Variants in GSE1 observed in about 807,000 individuals in gnomAD.
GSE1 encodes genetic suppressor element 1.
Under a neutral mutation model 112.6 loss-of-function variants are expected in GSE1, and 32 were observed. The observed-to-expected ratio is 0.28, with a 90% CI of 0.21 to 0.38. GSE1 has a LOEUF of 0.38. GSE1 is among the 10% of genes least tolerant of loss of function. GSE1 has a pLI of 1.00. For missense variants in GSE1, 2,348 were observed against 1,699.2 expected, an observed-to-expected ratio of 1.38 and a Z score of -6.71; for synonymous variants, 1,115 against 735.6, an observed-to-expected ratio of 1.52 and a Z score of -8.35.
chr16:85,570,945 A>AC (rs1181276159), intron 1 of GSE1, among the ~76,000 whole-genome samples: 1 of 152,316 alleles, frequency 6.6e-6, no homozygotes, highest in East Asian at 1.9e-4. Context: ...GGCTGGAGTG[A>AC]TCTGGGAGGA....
chr16:85,288,366 G>A (rs2045104332), intron 1 of GSE1, among the ~76,000 whole-genome samples: 1 of 152,214 alleles, frequency 6.6e-6, no homozygotes, highest in Non-Finnish European at 1.5e-5. Context: ...GAACTCGTAG[G>A]ACAATACAGC....
chr16:85,331,355 G>A lies in GSE1; in HGVS notation c.2284-26108G>A, dbSNP rs1312837357. On this transcript the variant is annotated intron_variant, in intron 1 of 2. Transcript: ENST00000637419. ...TGTGTGTGTGTGTGTGTGTGTGTGTGTGTGTGTGTGTATATATGTATATAT... is the reference window on the plus strand; with the variant it reads ...TGTGTGTGTGTGTGTGTGTGTGTGTATGTGTGTGTGTATATATGTATATAT... 9.3e-3 allele frequency among the ~76,000 whole-genome samples: 536 copies of A among 57,354 alleles called. 19 individuals are homozygous for A. The highest frequency in any genetic ancestry group is 0.024 in the African/African-American group (479 of 19,620). 37.6% of individuals were successfully genotyped at this position (57,354 alleles called of 152,430 possible).
intron 1 of GSE1, among the ~76,000 whole-genome samples, chr16:85,308,298 ACCGAGTCCAG>A (rs2151475823): frequency 6.6e-6 from 1 of 152,080 alleles, no homozygotes; most frequent in Admixed American, 6.6e-5. Context: ...TTCTGTGGAC[ACCGAGTCCAG>A]CCTCCGGGAG....
At chr16:85,555,403 AG>A, upstream of GSE1, 1 of 685,478 alleles carries the variant, frequency 1.5e-6, no homozygotes, top group Non-Finnish European at 1.8e-6. Flanking sequence ...AAGGGGGGGG[AG>A]GGGTGTTGGT....
chr16:85,277,282 C>T (rs1909461785), intron 1 of GSE1, among the ~76,000 whole-genome samples: 1 of 152,104 alleles, frequency 6.6e-6, no homozygotes, highest in South Asian at 2.1e-4. Flanking sequence ...TCCAGACGGG[C>T]CCAGGCTGGG....
intron 2 of GSE1, among the ~76,000 whole-genome samples, chr16:85,510,111 C>T (rs376269841): frequency 4.0e-4 from 61 of 152,334 alleles, no homozygotes; most frequent in Middle Eastern, 3.4e-3. Flanking sequence ...CAGATGTACC[C>T]GCCCTGGAGC....
chr16:85,585,348 C>G (rs2046642637), intron 1 of GSE1, among the ~76,000 whole-genome samples: 1 of 152,244 alleles, frequency 6.6e-6, no homozygotes, highest in Non-Finnish European at 1.5e-5. Context: ...TTCCTTCTCT[C>G]TTCCCTTTTT....
intron 1 of GSE1, among the ~76,000 whole-genome samples, chr16:85,568,817 C>G (rs989606850): frequency 6.6e-6 from 1 of 152,154 alleles, no homozygotes; most frequent in Non-Finnish European, 1.5e-5. Context: ...TTCTTGACCC[C>G]CTGGATCACC....
Position 85,513,215 on chromosome 16 carries a change from C to G in GSE1, c.2465-120699C>G, listed in dbSNP as rs11866182. Reference sequence around the variant, plus strand: ...CCCTCTCCCGGCTCAGAGATGGCAGCTGGGAGCATGAACCCAGACTCCAGC... The same window carrying G: ...CCCTCTCCCGGCTCAGAGATGGCAGGTGGGAGCATGAACCCAGACTCCAGC... On this transcript the variant is annotated intron_variant, in intron 2 of 2. Coordinates refer to the GSE1 transcript ENST00000637419. Among the ~76,000 whole-genome samples the G allele has an allele frequency of 8.9e-3, 1,355 of 152,200 alleles. 23 individuals are homozygous for G. The highest frequency in any genetic ancestry group is 0.03 in the African/African-American group (1,241 of 41,518).
intron 1 of GSE1, among the ~76,000 whole-genome samples, chr16:85,224,489 C>T (rs1000143891): frequency 2.2e-4 from 34 of 152,192 alleles, no homozygotes; most frequent in African/African-American, 8.2e-4. Flanking sequence ...CAGTTGGAGC[C>T]TGACTCTCTA....
intron 13 of GSE1, among the ~76,000 whole-genome samples, 156 bp from the exon 14 acceptor site, chr16:85,667,984 G>C (rs566440765): frequency 8.6e-4 from 97 of 112,456 alleles, no homozygotes; most frequent in African/African-American, 3.1e-3. Context: ...CAGAGGCCTT[G>C]GGCTAGGTCC....
At chr16:85,647,876 C>T (rs1020892088) in intron 2 of GSE1, among the ~76,000 whole-genome samples, 9 of 152,304 alleles carry the variant, frequency 5.9e-5, no homozygotes, top group Non-Finnish European at 1.2e-4. Flanking sequence ...GGAGCCACCG[C>T]GCCCGGCCAG....
intron 1 of GSE1, among the ~76,000 whole-genome samples, chr16:85,210,848 G>A (rs970742983): frequency 4.6e-5 from 7 of 152,190 alleles, no homozygotes; most frequent in Admixed American, 2.6e-4. Flanking sequence ...GTCATCTCTG[G>A]CAGCAGGAGA....
At chr16:85,638,386 C>A (rs1031991079) in intron 2 of GSE1, among the ~76,000 whole-genome samples, 3 of 152,210 alleles carry the variant, frequency 2.0e-5, no homozygotes, top group Non-Finnish European at 4.4e-5. Context: ...GCCAGCCTGA[C>A]CCTTTAACCT....
chr16:85,533,247 TA>T (rs34682517), intron 2 of GSE1, among the ~76,000 whole-genome samples: 58,815 of 142,452 alleles, frequency 0.41, 11,635 homozygotes, highest in African/African-American at 0.45. Context: ...CTGTCTCTAC[TA>T]AAAAAAAAAA....
intron 2 of GSE1, among the ~76,000 whole-genome samples, chr16:85,464,978 G>C (rs1212556872): frequency 2.6e-5 from 4 of 152,214 alleles, no homozygotes; most frequent in African/African-American, 7.2e-5. Context: ...TCTCGTTTTT[G>C]CAGGTGAGGA....
intron 1 of GSE1, chr16:85,594,230 G>A: frequency 9.0e-6 from 1 of 111,274 alleles, no homozygotes; most frequent in South Asian, 4.3e-4. Context: ...ATCCCTGGGG[G>A]GTTGGGGGGG....
At chr16:85,234,009 A>G (rs1330305662) in intron 1 of GSE1, among the ~76,000 whole-genome samples, 2 of 152,152 alleles carry the variant, frequency 1.3e-5, no homozygotes, top group Admixed American at 6.5e-5. Flanking sequence ...GCCCCTATAT[A>G]ACAAAAGCAG....
intron 2 of GSE1, among the ~76,000 whole-genome samples, chr16:85,532,347 A>C (rs1318181167): frequency 3.3e-5 from 5 of 152,018 alleles, no homozygotes; most frequent in African/African-American, 9.7e-5. Flanking sequence ...TGCAGCCTTG[A>C]CCTCCCGGGC....
Sources: allele counts gnomAD v4.1 joint callset (sites outside exome capture counted in the v4.1 genomes callset), GRCh38; gene constraint gnomAD v4.1.1; transcripts MANE v1.5; gene names NCBI Gene and HGNC (gene_info 2026-07-23, HGNC 2026-07-21).